MUCL1: variants seen among roughly 807,000 people sequenced by gnomAD.
MUCL1 encodes the protein mucin like 1, also known as mucin-like protein 1.
A neutral mutation model predicts 9.2 loss-of-function variants in MUCL1; 11 were observed. The observed-to-expected ratio is 1.19, with a 90% CI of 0.75 to 1.97. MUCL1 has a LOEUF of 1.97. MUCL1 is among the 30% of genes most tolerant of loss of function. The pLI is 0.00. For synonymous variants in MUCL1, 48 were observed against 40.5 expected, an observed-to-expected ratio of 1.19 and a Z score of -0.71; for missense variants, 144 against 110.9, an observed-to-expected ratio of 1.30 and a Z score of -1.34.
chr12:54,853,731 A>G (rs1868274890), upstream of MUCL1, among the ~76,000 whole-genome samples: 1 of 151,666 alleles, frequency 6.6e-6, no homozygotes, highest in Non-Finnish European at 1.5e-5. Context: ...TTACTTTTTT[A>G]GTGTATGAAT....
chr12:54,854,712 G>A (rs1309339492), intron 1 of MUCL1, 72 bp downstream of exon 1: 9 of 1,353,932 alleles, frequency 6.6e-6, no homozygotes, highest in Admixed American at 1.8e-5. Context: ...AAAGATGTGG[G>A]CTTATGGTTG....
chr12:54,856,221 A>G (rs1384099403), intron 2 of MUCL1, among the ~76,000 whole-genome samples: 1 of 152,154 alleles, frequency 6.6e-6, no homozygotes, highest in Non-Finnish European at 1.5e-5. Context: ...AGGGTGAGAC[A>G]AATATGGCTC....
rs1431501298 is a variant in MUCL1 at position 54,855,173 on chromosome 12, A to T, written c.100+16A>T. ...TATCCAGCTAGTGAGTCTGCACTTG[A>T]ATGTCATCTCTTTCCAGCAATAACC... On this transcript the variant is annotated intron_variant, in intron 2 of 3. Transcript: ENST00000308796. 6.2e-7 allele frequency: 1 copy of T among 1,611,708 alleles called. No individual in the cohort carries two copies. The highest frequency in any genetic ancestry group is 8.5e-7 in the Non-Finnish European group (1 of 1,178,230).
chr12:54,847,053 A>G lies in MUCL1; in HGVS notation c.43+7606A>G, dbSNP rs182306900. On this transcript the variant is annotated intron_variant, in intron 1 of 3. Transcript: ENST00000546809. ...ATCCACATCCTGCTTAGTCCTTTTCATAGACCTACGCTCCCTCCTCAATAC... is the reference window on the plus strand; with the variant it reads ...ATCCACATCCTGCTTAGTCCTTTTCGTAGACCTACGCTCCCTCCTCAATAC... Among the ~76,000 whole-genome samples the G allele has an allele frequency of 1.6e-3, 241 of 152,242 alleles. 1 individual carries two copies. The highest frequency in any genetic ancestry group is 5.6e-3 in the African/African-American group (231 of 41,556).
rs188282917 is a variant in MUCL1, at chr12:54,849,438, C to T, written c.44-5678C>T. ...AGAGACTTTTACTTTCTTATGTATA[C>T]TTCTATTTTAATTTTTATAAAAAAT... On this transcript the variant is annotated intron_variant, in intron 1 of 3. Coordinates refer to the MUCL1 transcript ENST00000546809. Among the ~76,000 whole-genome samples, 194 of 152,018 alleles carry T rather than the reference C, an allele frequency of 1.3e-3. 2 individuals are homozygous for T. Among genetic ancestry groups the T allele is most frequent in the East Asian group, 7.7e-4 (4 of 5,184 alleles).
At position 54,858,230 on chromosome 12, in the gene MUCL1, A is replaced by C; in HGVS notation, c.261A>C (p.Arg87Ser). Reference sequence around the variant, plus strand: ...GGGTTGGGGATCTCCCGAATGGTAGAGTGTGTCCCTGAGATGGAATCAGCT... The same window carrying C: ...GGGTTGGGGATCTCCCGAATGGTAGCGTGTGTCCCTGAGATGGAATCAGCT... The part of the protein sequence containing the change: ...PKWVGDLPNG[R>S]VCP Residue 87 changes from arginine (R) to serine (S), a missense_variant, in exon 4 of 4, where the codon AGA (arginine) becomes AGC (serine). Transcript: ENST00000308796. 2.5e-6 allele frequency: 4 copies of C among 1,613,508 alleles called. No individual in the cohort carries two copies. The East Asian group carries it at 6.7e-5, about 27-fold the overall frequency.
chr12:54,844,117 T>C (rs960486156), intron 1 of MUCL1, among the ~76,000 whole-genome samples: 2 of 152,178 alleles, frequency 1.3e-5, no homozygotes, highest in Admixed American at 1.3e-4. Flanking sequence ...GATATACTGG[T>C]GTCATCAAAT....
intron 3 of MUCL1, 76 bp downstream of exon 3, chr12:54,856,968 C>T: frequency 1.9e-6 from 3 of 1,596,350 alleles, no homozygotes; most frequent in South Asian, 2.2e-5. Flanking sequence ...CTCACAGAGA[C>T]TCTATTTTTG....
chr12:54,833,146 T>C (rs1024522887), intron 1 of MUCL1, among the ~76,000 whole-genome samples: 4 of 152,156 alleles, frequency 2.6e-5, no homozygotes, highest in Non-Finnish European at 5.9e-5. Flanking sequence ...AGGTCCTTTT[T>C]CCTTGGCTTT....
chr12:54,851,490 G>A (rs1378869713), upstream of MUCL1, among the ~76,000 whole-genome samples: 1 of 152,090 alleles, frequency 6.6e-6, no homozygotes, highest in Non-Finnish European at 1.5e-5. Context: ...AATAAATTAG[G>A]TATTGATGGG....
At chr12:54,837,000 A>T (rs143971537), upstream of MUCL1, among the ~76,000 whole-genome samples, 168 of 152,250 alleles carry the variant, frequency 1.1e-3, no homozygotes, top group African/African-American at 3.8e-3. Flanking sequence ...ATCTCTTATT[A>T]TATGGTCTAT....
chr12:54,847,481 G>A (rs949600815), intron 1 of MUCL1, among the ~76,000 whole-genome samples: 6 of 152,162 alleles, frequency 3.9e-5, no homozygotes, highest in South Asian at 2.1e-4. Context: ...CTGTCATGGC[G>A]GTGCATGCCT....
At chr12:54,835,513 G>A (rs139050122), upstream of MUCL1, among the ~76,000 whole-genome samples, 1 of 151,636 alleles carries the variant, frequency 6.6e-6, no homozygotes, top group East Asian at 1.9e-4. Context: ...GATTAGCAAT[G>A]TTGAGTATTT....
At chr12:54,856,739 T>C (rs1868302126) in intron 2 of MUCL1, 31 bp from the exon 3 acceptor site, 1 of 1,580,206 alleles carries the variant, frequency 6.3e-7, no homozygotes, top group African/African-American at 1.3e-5. Context: ...AAGGAGTCAG[T>C]CTCACCTAGA....
intron 3 of MUCL1, 69 bp downstream of exon 3, chr12:54,856,961 A>C: frequency 1.2e-6 from 2 of 1,602,468 alleles, no homozygotes; most frequent in Non-Finnish European, 8.5e-7. Context: ...CTCTATTCTC[A>C]CAGAGACTCT....
At chr12:54,851,844 C>T (rs1444487594), upstream of MUCL1, among the ~76,000 whole-genome samples, 1 of 152,142 alleles carries the variant, frequency 6.6e-6, no homozygotes, top group Non-Finnish European at 1.5e-5. Context: ...GCAAAAATCA[C>T]AAGCATTCTT....
At chr12:54,857,819 A>C (rs1389091486) in intron 3 of MUCL1, among the ~76,000 whole-genome samples, 1 of 152,174 alleles carries the variant, frequency 6.6e-6, no homozygotes, top group African/African-American at 2.4e-5. Context: ...ATACTTTTTC[A>C]TGTCTGAATC....
intron 1 of MUCL1, among the ~76,000 whole-genome samples, chr12:54,841,368 T>A (rs2371092): frequency 3.9e-5 from 6 of 151,968 alleles, no homozygotes; most frequent in Admixed American, 2.0e-4. Flanking sequence ...CATAGATGTA[T>A]TGCTGGGTCA....
intron 1 of MUCL1, among the ~76,000 whole-genome samples, chr12:54,848,978 T>C (rs947718685): frequency 1.3e-5 from 2 of 152,240 alleles, no homozygotes; most frequent in African/African-American, 4.8e-5. Context: ...GATTTGATAA[T>C]AGCAAAAGAA....
Sources: allele counts gnomAD v4.1 joint callset (sites outside exome capture counted in the v4.1 genomes callset), GRCh38; gene constraint gnomAD v4.1.1; transcripts MANE v1.5; gene names NCBI Gene and HGNC (gene_info 2026-07-23, HGNC 2026-07-21).